The following ZNF407 variants were observed in gnomAD, a reference collection of about 807,000 sequenced individuals.
The protein encoded by ZNF407 is zinc finger protein 407.
In ZNF407, 17 loss-of-function variants were observed where a neutral mutation model predicts 131.2. That is an observed-to-expected ratio of 0.13 (90% confidence interval 0.09 to 0.19). The LOEUF (loss-of-function observed/expected upper bound fraction) is 0.19, where lower values mean the gene tolerates loss of function less well. Ranked by LOEUF, ZNF407 falls within the 10% of genes least tolerant of loss-of-function variation. The pLI, the probability that ZNF407 is intolerant of heterozygous loss-of-function variation, is 1.00. For synonymous variants in ZNF407, 1,156 were observed against 1,062.0 expected (o/e 1.09, Z -1.72); for missense variants, 2,681 against 2,830.6 (o/e 0.95, Z 1.20).
chr18:74,866,863 G>A (rs1005005852), intron 4 of ZNF407, among the ~76,000 whole-genome samples: 1 of 145,492 alleles, frequency 6.9e-6, no homozygotes, highest in African/African-American at 2.5e-5. Flanking sequence ...TTGATATTTA[G>A]TGTAAAAGTG....
At chr18:75,002,483 C>A (rs1009426218) in intron 8 of ZNF407, among the ~76,000 whole-genome samples, 9 of 152,124 alleles carry the variant, frequency 5.9e-5, no homozygotes, top group African/African-American at 9.7e-5. Context: ...CAGCCAGACT[C>A]TAAGCCCCAT....
intron 8 of ZNF407, among the ~76,000 whole-genome samples, chr18:74,986,133 C>T (rs1972650172): frequency 6.6e-6 from 1 of 152,060 alleles, no homozygotes; most frequent in South Asian, 2.1e-4. Flanking sequence ...ATCCACTGCC[C>T]CTCACAGCAC....
chr18:74,692,235 C>T (rs544197517), intron 3 of ZNF407, among the ~76,000 whole-genome samples: 1 of 152,232 alleles, frequency 6.6e-6, no homozygotes, highest in Admixed American at 6.5e-5. Context: ...TCAGTCTAGT[C>T]CGGAGTGGAG....
chr18:74,914,146 A>T (rs1057500641), intron 7 of ZNF407, among the ~76,000 whole-genome samples: 6 of 152,156 alleles, frequency 3.9e-5, no homozygotes, highest in Non-Finnish European at 7.4e-5. Flanking sequence ...AATCCTGGTG[A>T]GGAGTGTGAA....
intron 3 of ZNF407, among the ~76,000 whole-genome samples, chr18:74,736,683 G>C (rs537831954): frequency 2.0e-4 from 30 of 152,214 alleles, no homozygotes; most frequent in African/African-American, 7.2e-4. Flanking sequence ...TTTGTCAGTT[G>C]TTTTCATGGC....
chr18:74,717,268 G>A (rs546158854), intron 3 of ZNF407, among the ~76,000 whole-genome samples: 7 of 152,156 alleles, frequency 4.6e-5, no homozygotes, highest in Non-Finnish European at 1.0e-4. Flanking sequence ...TTAAGGAGGA[G>A]GCTGTTTTGC....
At chr18:74,847,714 A>G (rs556057513) in intron 4 of ZNF407, among the ~76,000 whole-genome samples, 1 of 152,294 alleles carries the variant, frequency 6.6e-6, no homozygotes, top group East Asian at 1.9e-4. Flanking sequence ...TGCTGTCAGC[A>G]TATTGCAGTG....
rs563598246 is a variant in ZNF407 at position 74,817,809 on chromosome 18, G to A, written c.4877+36307G>A. Among the ~76,000 whole-genome samples, 5 of 152,264 alleles carry A rather than the reference G, an allele frequency of 3.3e-5. No individual in the cohort carries two copies. The South Asian group carries it at 1.0e-3, about 32-fold the overall frequency. On this transcript the variant is annotated intron_variant, in intron 4 of 8. Coordinates refer to ENST00000299687, the MANE Select transcript of ZNF407 (RefSeq NM_017757.3). ...CCAAAGTATTAAATCCTCCAGAGAA[G>A]CCTGTAGTGTGGGATGCAAACTATT...
chr18:75,006,985 A>G (rs1363765214), intron 8 of ZNF407, among the ~76,000 whole-genome samples: 1 of 152,062 alleles, frequency 6.6e-6, no homozygotes, highest in East Asian at 1.9e-4. Context: ...GTTGCAGACT[A>G]CTAATTGCAC....
chr18:74,615,877 T>C (rs1304616909), intron 1 of ZNF407, among the ~76,000 whole-genome samples: 2 of 152,088 alleles, frequency 1.3e-5, no homozygotes, highest in Non-Finnish European at 2.9e-5. Flanking sequence ...TTGTTTTTTT[T>C]TTTAAGATGG....
At chr18:74,684,945 TG>T (rs1290332264) in intron 3 of ZNF407, among the ~76,000 whole-genome samples, 1 of 152,190 alleles carries the variant, frequency 6.6e-6, no homozygotes, top group African/African-American at 2.4e-5. Flanking sequence ...ATTGGAATGC[TG>T]AAAAAAAACC....
At chr18:74,727,778 A>T (rs923002266) in intron 3 of ZNF407, among the ~76,000 whole-genome samples, 28 of 152,226 alleles carry the variant, frequency 1.8e-4, no homozygotes, top group African/African-American at 6.8e-4. Context: ...GGGGTTATTG[A>T]AAGTGCCGTC....
At chr18:75,018,197 G>C (rs1973067692) in intron 8 of ZNF407, among the ~76,000 whole-genome samples, 1 of 151,912 alleles carries the variant, frequency 6.6e-6, no homozygotes, top group South Asian at 2.1e-4. Context: ...ACTTATACTT[G>C]TCTTTAAAGG....
chr18:74,906,176 C>T (rs1971592684), intron 7 of ZNF407, among the ~76,000 whole-genome samples: 1 of 152,284 alleles, frequency 6.6e-6, no homozygotes, highest in Admixed American at 6.5e-5. Context: ...CTGAAGACAG[C>T]TTCTTGGTGT....
chr18:74,815,801 G>A (rs749865928), intron 4 of ZNF407, among the ~76,000 whole-genome samples: 1 of 152,108 alleles, frequency 6.6e-6, no homozygotes, highest in Non-Finnish European at 1.5e-5. Flanking sequence ...ATGACATCAC[G>A]ATATGGCTAC....
intron 3 of ZNF407, among the ~76,000 whole-genome samples, chr18:74,705,323 C>T (rs1006810038): frequency 2.6e-5 from 4 of 151,966 alleles, no homozygotes; most frequent in South Asian, 2.1e-4. Flanking sequence ...CAAAAGCCCA[C>T]GATAAATCAG....
At chr18:74,811,588 G>A (rs575760281) in intron 4 of ZNF407, among the ~76,000 whole-genome samples, 10 of 151,950 alleles carry the variant, frequency 6.6e-5, no homozygotes, top group South Asian at 2.1e-4. Context: ...TGTTTATTGC[G>A]GCACTATTCA....
intron 4 of ZNF407, among the ~76,000 whole-genome samples, chr18:74,859,507 A>C (rs762842338): frequency 4.6e-5 from 7 of 152,238 alleles, no homozygotes; most frequent in Non-Finnish European, 7.3e-5. Context: ...CCTGTGTTTC[A>C]TAAAATCATT....
At chr18:74,606,511 G>A (rs1384172814) in intron 1 of ZNF407, among the ~76,000 whole-genome samples, 1 of 152,146 alleles carries the variant, frequency 6.6e-6, no homozygotes, top group African/African-American at 2.4e-5. Flanking sequence ...CCAAAGTGCT[G>A]GGATTATAGG....
Sources: gnomAD v4.1 joint callset for allele counts (sites outside exome capture counted in the v4.1 genomes callset) on GRCh38, gnomAD v4.1.1 for gene constraint, MANE v1.5 for transcripts, NCBI Gene and HGNC (gene_info 2026-07-23, HGNC 2026-07-21) for gene names.